The following LILRA2 variants were observed in gnomAD, a reference collection of about 807,000 sequenced individuals.
LILRA2 encodes the protein leukocyte immunoglobulin-like receptor subfamily A member 2.
In LILRA2, 45 loss-of-function variants were observed where a neutral mutation model predicts 47.9. The observed-to-expected ratio is 0.94, with a 90% confidence interval of 0.74 to 1.20. LILRA2 has a LOEUF of 1.20. LILRA2 is among the 50% of genes most tolerant of loss of function. The pLI is 0.00. For missense variants in LILRA2, 651 were observed against 598.2 expected (o/e 1.09, Z -0.92); for synonymous variants, 279 against 249.2 (o/e 1.12, Z -1.13).
intron 6 of LILRA2, 74 bp from the exon 7 acceptor site, chr19:54,586,936 C>A: frequency 9.0e-7 from 1 of 1,107,302 alleles, no homozygotes; most frequent in Non-Finnish European, 1.3e-6. Context: ...TCAAGAGACA[C>A]AGGGGAAAAG....
intron 6 of LILRA2, among the ~76,000 whole-genome samples, chr19:54,582,537 T>C (rs1054847744): frequency 1.3e-5 from 2 of 152,224 alleles, no homozygotes; most frequent in African/African-American, 4.8e-5. Context: ...TATCCATTTC[T>C]TCTAGATTTT....
At position 54,575,975 on chromosome 19, in the gene LILRA2, A is replaced by T; in HGVS notation, c.1121A>T (p.Gln374Leu). 1.2e-6 allele frequency: 2 copies of T among 1,613,968 alleles called. No homozygotes were observed. Residue 374 changes from glutamine (Q) to leucine (L), a missense_variant, in exon 6 of 8, where the codon CAG becomes CTG. Gln to Leu is a moderately radical substitution (Grantham distance 113). Coordinates refer to ENST00000391738, the MANE Select transcript of LILRA2 (RefSeq NM_001130917.3). ...CATCTGAGATCAGAGCACCAAGCTC[A>T]GCAGAACCAGGCTGAATTCCGCATG... ...PLHLRSEHQA[Q>L]QNQAEFRMGP...
rs189159031 is a variant in LILRA2 at position 54,574,453 on chromosome 19, G to A, written c.223G>A (p.Glu75Lys). Reference protein sequence around the residue: ...KSASWVRRIQEPGKNGQFPIP... With the variant: ...KSASWVRRIQKPGKNGQFPIP... ...AGCATCCTGGGTTAGACGGATACAAGAGCCTGGGAAGAATGGCCAGTTCCC... is the reference window on the plus strand; with the variant it reads ...AGCATCCTGGGTTAGACGGATACAAAAGCCTGGGAAGAATGGCCAGTTCCC... Residue 75 changes from glutamate to lysine, a missense_variant, in exon 3 of 8, where the codon GAG becomes AAG. Coordinates refer to ENST00000391738, the MANE Select transcript of LILRA2 (RefSeq NM_001130917.3). 6.8e-6 allele frequency: 11 copies of A among 1,614,066 alleles called. No homozygotes were observed. In the East Asian group the frequency reaches 2.5e-4, roughly 36 times the overall value.
chr19:54,585,305 G>T (rs2062764194), intron 6 of LILRA2, among the ~76,000 whole-genome samples: 1 of 152,236 alleles, frequency 6.6e-6, no homozygotes, highest in Non-Finnish European at 1.5e-5. Flanking sequence ...GAGAACCACT[G>T]CTGTCTTCAG....
At chr19:54,575,178 A>G in intron 4 of LILRA2, 78 bp from the exon 5 acceptor site, 3 of 1,550,592 alleles carry the variant, frequency 1.9e-6, no homozygotes, top group South Asian at 2.5e-5. Flanking sequence ...GAGACACAGG[A>G]AGATCAGCGG....
At position 54,575,802 on chromosome 19, in the gene LILRA2, T is replaced by C; in HGVS notation, c.953-5T>C. On this transcript the variant is annotated splice_region_variant and splice_polypyrimidine_tract_variant and intron_variant, in intron 5 of 7. Coordinates refer to ENST00000391738, the MANE Select transcript of LILRA2 (RefSeq NM_001130917.3). ...CAGCCCCTCACCCATCCTTCTTCTC[T>C]CTAGGACAGTTCTATGACAGACCCT... The C allele has an allele frequency of 6.2e-7, 1 of 1,612,750 alleles. No individual in the cohort carries two copies. The highest frequency in any genetic ancestry group is 8.5e-7 in the Non-Finnish European group (1 of 1,179,644).
Position 54,587,593 on chromosome 19 carries a change from T to C in LILRA2, c.*247T>C, listed in dbSNP as rs146169708. On this transcript the variant is annotated 3_prime_UTR_variant, in exon 8 of 8. Transcript: ENST00000391738. ...TTCCCTTGACTGGATCCCCTTTTTT[T>C]CCCATCCCCAGACATGAGGCTCCAT... 3.6e-3 allele frequency: 2,343 copies of C among 649,662 alleles called. 8 individuals carry two copies. The highest frequency in any genetic ancestry group is 5.0e-3 in the Non-Finnish European group (1,974 of 395,426). 40.2% of individuals were successfully genotyped at this position (649,662 alleles called of 1,614,324 possible).
In LILRA2 at chr19:54,575,927, A is replaced by G. The variant is rs1388926335; in HGVS notation, c.1073A>G (p.Glu358Gly). ...GQFHTFLLTKEGAGHPPLHLR... is the reference protein window; with the variant it reads ...GQFHTFLLTKGGAGHPPLHLR... ...TTCCACACTTTCCTTCTGACCAAGG[A>G]GGGGGCAGGCCATCCCCCACTGCAT... The change falls in exon 6 of 8, where the codon GAG (glutamate) becomes GGG (glycine). Residue 358 changes from glutamate to glycine, a missense_variant. By Grantham distance (98) the Glu-to-Gly change is moderately conservative. Transcript: ENST00000391738. 3.1e-6 allele frequency: 5 copies of G among 1,613,738 alleles called. No individual in the cohort carries two copies. Among genetic ancestry groups the G allele is most frequent in the Non-Finnish European group, 4.2e-6 (5 of 1,179,944 alleles).
In LILRA2 at chr19:54,588,180, G is replaced by T. The variant is rs940595142; in HGVS notation, c.*834G>T. On this transcript the variant is annotated 3_prime_UTR_variant, in exon 8 of 8. Coordinates refer to ENST00000391738, the MANE Select transcript of LILRA2 (RefSeq NM_001130917.3). ...TATACCTACAGTCCTTTCTATTTCAGAGGCAATGATCACTTCTACTTCAGT... is the reference window on the plus strand; with the variant it reads ...TATACCTACAGTCCTTTCTATTTCATAGGCAATGATCACTTCTACTTCAGT... 1 of 152,196 alleles carries T rather than the reference G, an allele frequency of 6.6e-6. No homozygotes were observed. Among genetic ancestry groups the T allele is most frequent in the Non-Finnish European group, 1.5e-5 (1 of 68,040 alleles). The allele number at this position is 152,196 out of a possible 1,614,324, so 9.4% of individuals were successfully genotyped here.
Position 54,577,547 on chromosome 19 carries a change from G to A in LILRA2, c.1255+1438G>A, listed in dbSNP as rs142934671. On this transcript the variant is annotated intron_variant, in intron 6 of 7. Coordinates refer to ENST00000391738, the MANE Select transcript of LILRA2 (RefSeq NM_001130917.3). ...CAAGAGAGGAGGCTGCTTGGGCCTC[G>A]GTGGGATCTGACTGTGATGAGGCTG... 76 of 1,289,720 alleles carry A rather than the reference G, an allele frequency of 5.9e-5. No individual in the cohort carries two copies. In the Admixed American group the frequency reaches 7.6e-4, roughly 13 times the overall value. The allele number at this position is 1,289,720 out of a possible 1,614,324, so 79.9% of individuals were successfully genotyped here.
chr19:54,573,772 T>A, upstream of LILRA2: 3 of 1,598,786 alleles, frequency 1.9e-6, no homozygotes, highest in Non-Finnish European at 2.6e-6. Flanking sequence ...CAAAACCCCA[T>A]GACAAGAAGG....
chr19:54,574,206 C>T, intron 2 of LILRA2, 95 bp downstream of exon 2: 1 of 1,614,154 alleles, frequency 6.2e-7, no homozygotes, highest in South Asian at 1.1e-5. Flanking sequence ...CAGTTCTGGG[C>T]TGACTGATGG....
In LILRA2 at chr19:54,587,285, G is replaced by A; in HGVS notation, c.1391G>A (p.Gly464Glu). ...GVAGLVLVVL[G>E]ILLFEAQHSQ... ...GCTGGCTTGGTCCTGGTGGTCCTCGGGATTCTGCTATTTGAGGCTCAGCAC... is the reference window on the plus strand; with the variant it reads ...GCTGGCTTGGTCCTGGTGGTCCTCGAGATTCTGCTATTTGAGGCTCAGCAC... Residue 464 changes from glycine (G) to glutamate (E), a missense_variant, in exon 8 of 8, where the codon GGG becomes GAG. Coordinates refer to ENST00000391738, the MANE Select transcript of LILRA2 (RefSeq NM_001130917.3). 1 of 1,614,086 alleles carries A rather than the reference G, an allele frequency of 6.2e-7. No individual in the cohort carries two copies. The highest frequency in any genetic ancestry group is 1.1e-5 in the South Asian group (1 of 91,074).
At chr19:54,576,822 T>C (rs2062463766) in intron 6 of LILRA2, among the ~76,000 whole-genome samples, 1 of 152,274 alleles carries the variant, frequency 6.6e-6, no homozygotes, top group African/African-American at 2.4e-5. Flanking sequence ...GAGGTGGGGC[T>C]GGGTCTGTGA....
chr19:54,574,269 G>T (rs1363503311), intron 2 of LILRA2, 32 bp from the exon 3 acceptor site: 28 of 1,613,860 alleles, frequency 1.7e-5, no homozygotes, highest in Non-Finnish European at 2.3e-5. Flanking sequence ...GGTGGGAAAT[G>T]ACTTAGAATC....
intron 1 of LILRA2, 32 bp downstream of exon 1, chr19:54,573,944 C>T: frequency 1.9e-6 from 3 of 1,613,336 alleles, no homozygotes; most frequent in South Asian, 1.1e-5. Flanking sequence ...GAGCTTCTAA[C>T]CTAGGAGGGA....
chr19:54,573,299 G>A (rs2062201226), upstream of LILRA2: 1 of 595,868 alleles, frequency 1.7e-6, no homozygotes, highest in Non-Finnish European at 3.1e-6. Flanking sequence ...TTACTCCTCT[G>A]TGCTCACTGC....
At position 54,589,463 on chromosome 19, in the gene LILRA2, A is replaced by G. The variant is rs1291623623; in HGVS notation, c.*2117A>G. 6.6e-6 allele frequency: 1 copy of G among 152,178 alleles called. No individual in the cohort carries two copies. Among genetic ancestry groups the G allele is most frequent in the East Asian group, 1.9e-4 (1 of 5,188 alleles). The allele number at this position is 152,178 out of a possible 1,614,324, so 9.4% of individuals were successfully genotyped here. A position where few individuals can be genotyped will look rare whatever the true frequency, so the allele number is the denominator to read the frequency against. On this transcript the variant is annotated 3_prime_UTR_variant, in exon 8 of 8. Transcript: ENST00000391738. ...GGTTGCAGTGAGCTGAGATCTTGCC[A>G]TTGCACTCCAGCCTGGGCAACAGAG...
chr19:54,576,147 C>T (rs1216032894), intron 6 of LILRA2, 38 bp downstream of exon 6: 1 of 1,610,624 alleles, frequency 6.2e-7, no homozygotes, highest in African/African-American at 1.3e-5. Flanking sequence ...AGCTCAAAGG[C>T]TCAGCTCAGG....
Sources: gnomAD v4.1 joint callset for allele counts (sites outside exome capture counted in the v4.1 genomes callset) on GRCh38, gnomAD v4.1.1 for gene constraint, MANE v1.5 for transcripts, NCBI Gene and HGNC (gene_info 2026-07-23, HGNC 2026-07-21) for gene names.